Variants in GRIN2B observed in about 807,000 individuals in gnomAD.
The protein encoded by GRIN2B is glutamate ionotropic receptor NMDA type subunit 2B, also known as glutamate receptor ionotropic, NMDA 2B.
A neutral mutation model predicts 114.5 loss-of-function variants in GRIN2B; 5 were observed. That is an observed-to-expected ratio of 0.04 (90% CI 0.02 to 0.09). The LOEUF (loss-of-function observed/expected upper bound fraction) is 0.09, where lower values mean the gene tolerates loss of function less well. GRIN2B is among the 10% of genes least tolerant of loss of function. The pLI, the probability that GRIN2B is intolerant of heterozygous loss-of-function variation, is 1.00. For synonymous variants in GRIN2B, 787 were observed against 745.1 expected (o/e 1.06, Z -0.92); for missense variants, 1,108 against 1,943.5 (o/e 0.57, Z 8.08).
intron 4 of GRIN2B, among the ~76,000 whole-genome samples, chr12:13,716,776 C>T (rs1950459349): frequency 6.6e-6 from 1 of 151,896 alleles, no homozygotes; most frequent in African/African-American, 2.4e-5. Context: ...ATGTTCCTAT[C>T]ATTCCATTCC....
At chr12:13,868,382 T>C (rs1565569005) in intron 2 of GRIN2B, among the ~76,000 whole-genome samples, 1 of 151,764 alleles carries the variant, frequency 6.6e-6, no homozygotes, top group Non-Finnish European at 1.5e-5. Flanking sequence ...AAACACTAGA[T>C]AGGCAATTGA....
Position 13,563,200 on chromosome 12 carries a change from C to G in GRIN2B, c.4038G>C (p.Glu1346Asp). Reference sequence around the variant, plus strand: ...AGGACTTGTTGTTGGCAAAGGTGCTCTCGCCAGCTGACATCTCAAACATGT... The same window carrying G: ...AGGACTTGTTGTTGGCAAAGGTGCTGTCGCCAGCTGACATCTCAAACATGT... Reference protein sequence around the residue: ...YAHMFEMSAGESTFANNKSSV... With the variant: ...YAHMFEMSAGDSTFANNKSSV... Residue 1346 changes from glutamate (E) to aspartate (D), a missense_variant, in exon 14 of 14, where the codon GAG becomes GAC. Glu to Asp is a conservative substitution (Grantham distance 45). Around this residue, in one of 19 missense-constraint regions of GRIN2B, gnomAD observed 478 missense variants for 506.0 expected, o/e 0.94. Transcript: ENST00000609686. The G allele has an allele frequency of 6.2e-7, 1 of 1,614,200 alleles. No homozygotes were observed. The highest frequency in any genetic ancestry group is 8.5e-7 in the Non-Finnish European group (1 of 1,180,040).
rs184217097 is a variant in GRIN2B, at chr12:13,969,474, G to A, written c.-19+10454C>T. 4.6e-5 allele frequency among the ~76,000 whole-genome samples: 7 copies of A among 152,308 alleles called. 1 individual carries two copies. In the East Asian group the frequency reaches 1.3e-3, roughly 29 times the overall value. ...GAAACAGAAATAATGTCAGCCTTGT[G>A]GTGAGGATTGAGTAATGTGCATTAA... On this transcript the variant is annotated intron_variant, in intron 2 of 13. Transcript: ENST00000609686.
intron 5 of GRIN2B, among the ~76,000 whole-genome samples, chr12:13,633,058 ACTC>A (rs1190681978): frequency 2.1e-4 from 32 of 152,054 alleles, no homozygotes; most frequent in Non-Finnish European, 3.8e-4. Flanking sequence ...TGAGAACTCC[ACTC>A]CTCCTTCACA....
chr12:13,957,092 C>T (rs1396263870), intron 2 of GRIN2B, among the ~76,000 whole-genome samples: 2 of 151,982 alleles, frequency 1.3e-5, no homozygotes, highest in African/African-American at 4.8e-5. Context: ...GAGAAAGAAA[C>T]CAGCAAAGAC....
chr12:13,707,964 C>G (rs1950376532), intron 4 of GRIN2B, among the ~76,000 whole-genome samples: 1 of 151,788 alleles, frequency 6.6e-6, no homozygotes, highest in East Asian at 2.0e-4. Context: ...CTGCTGGACC[C>G]AAGCTGAAGG....
intron 4 of GRIN2B, among the ~76,000 whole-genome samples, chr12:13,698,537 G>T (rs1224898775): frequency 6.6e-6 from 1 of 152,066 alleles, no homozygotes; most frequent in Non-Finnish European, 1.5e-5. Flanking sequence ...CTTTGTGTGT[G>T]ATAAAAATCA....
intron 3 of GRIN2B, among the ~76,000 whole-genome samples, chr12:13,831,542 A>C (rs1459785377): frequency 1.3e-5 from 2 of 152,204 alleles, no homozygotes; most frequent in African/African-American, 4.8e-5. Flanking sequence ...TGCCAGACCA[A>C]GCAACACTCA....
chr12:13,751,136 G>T (rs1446792940), intron 4 of GRIN2B, among the ~76,000 whole-genome samples: 1 of 152,146 alleles, frequency 6.6e-6, no homozygotes, highest in South Asian at 2.1e-4. Context: ...AGAGAGCATG[G>T]TGTTTTTGAA....
At chr12:13,760,260 TG>T (rs1863654569) in intron 3 of GRIN2B, among the ~76,000 whole-genome samples, 1 of 152,202 alleles carries the variant, frequency 6.6e-6, no homozygotes, top group African/African-American at 2.4e-5. Flanking sequence ...GGCATGTGTT[TG>T]TTCATTGCTA....
At chr12:13,880,381 GA>G (rs1866052714) in intron 2 of GRIN2B, among the ~76,000 whole-genome samples, 4 of 152,224 alleles carry the variant, frequency 2.6e-5, no homozygotes, top group Admixed American at 2.6e-4. Flanking sequence ...GCAAGCCAAG[GA>G]ATTGGGGATG....
chr12:13,783,115 T>C lies in GRIN2B; in HGVS notation c.412-29200A>G, dbSNP rs558815943. On this transcript the variant is annotated intron_variant, in intron 3 of 13. Coordinates refer to ENST00000609686, the MANE Select transcript of GRIN2B (RefSeq NM_000834.5). ...CAAATTTAAATAATATAAAGGTCAA[T>C]TTTATAATACACTACCAAAAAATAG... Among the ~76,000 whole-genome samples, 248 of 152,306 alleles carry C rather than the reference T, an allele frequency of 1.6e-3. 3 individuals are homozygous for C. The highest frequency in any genetic ancestry group is 2.5e-3 in the Admixed American group (39 of 15,298).
chr12:13,970,053 A>T (rs1297487034), intron 2 of GRIN2B, among the ~76,000 whole-genome samples: 1 of 152,148 alleles, frequency 6.6e-6, no homozygotes, highest in Non-Finnish European at 1.5e-5. Context: ...GGGTTTCACC[A>T]CTTTGGCCAG....
chr12:13,650,354 C>CTTG (rs1949801969), intron 5 of GRIN2B, among the ~76,000 whole-genome samples: 1 of 151,354 alleles, frequency 6.6e-6, no homozygotes, highest in African/African-American at 2.4e-5. Flanking sequence ...AAATTCTCTT[C>CTTG]TTTCAGGACA....
At chr12:13,961,009 G>A (rs1031843979) in intron 2 of GRIN2B, among the ~76,000 whole-genome samples, 1 of 152,144 alleles carries the variant, frequency 6.6e-6, no homozygotes, top group Non-Finnish European at 1.5e-5. Flanking sequence ...TGAGAGTGGG[G>A]TGGGTGCTTG....
intron 4 of GRIN2B, among the ~76,000 whole-genome samples, chr12:13,680,998 G>T (rs753991119): frequency 3.3e-5 from 5 of 152,038 alleles, no homozygotes; most frequent in Non-Finnish European, 7.4e-5. Context: ...TCAGGCTAAG[G>T]TTAAAGAGCC....
At chr12:13,712,487 G>T (rs2900314) in intron 4 of GRIN2B, among the ~76,000 whole-genome samples, 14,187 of 151,834 alleles carry the variant, frequency 0.093, 874 homozygotes, top group East Asian at 0.18. Context: ...GTATAGATGT[G>T]TATTGGGAGT....
intron 2 of GRIN2B, among the ~76,000 whole-genome samples, chr12:13,871,066 A>T (rs1266573730): frequency 1.3e-5 from 2 of 152,204 alleles, no homozygotes; most frequent in Non-Finnish European, 2.9e-5. Context: ...TAGACTTTTC[A>T]TGTATAAGGC....
intron 5 of GRIN2B, among the ~76,000 whole-genome samples, chr12:13,620,537 TG>T (rs1486749945): frequency 1.2e-4 from 19 of 152,210 alleles, no homozygotes; most frequent in Non-Finnish European, 2.9e-5. Flanking sequence ...CATCATTTCA[TG>T]GTATCTACCA....
Sources: allele counts gnomAD v4.1 joint callset (sites outside exome capture counted in the v4.1 genomes callset), GRCh38; gene constraint gnomAD v4.1.1; regional missense constraint gnomAD v4.1.1; transcripts MANE v1.5; gene names NCBI Gene and HGNC (gene_info 2026-07-23, HGNC 2026-07-21).